The following ZNF277 variants were observed in gnomAD, a reference collection of about 807,000 sequenced individuals.
ZNF277 encodes zinc finger protein 277.
In ZNF277, 55 loss-of-function variants were observed where a neutral mutation model predicts 60.7. That is an observed-to-expected ratio of 0.91 (90% CI 0.73 to 1.13). The LOEUF (loss-of-function observed/expected upper bound fraction) is 1.13. Ranked by LOEUF, ZNF277 falls within the 50% of genes most tolerant of loss-of-function variation. ZNF277 has a pLI of 0.00. For synonymous variants in ZNF277, 178 were observed against 179.3 expected (o/e 0.99, Z 0.06); for missense variants, 510 against 523.0 (o/e 0.98, Z 0.24).
At chr7:112,315,028 G>GGA (rs1441021320) in intron 4 of ZNF277, among the ~76,000 whole-genome samples, 3 of 152,082 alleles carry the variant, frequency 2.0e-5, no homozygotes, top group African/African-American at 7.2e-5. Flanking sequence ...CTCTGGGCAT[G>GGA]CATCAGATAA....
intron 1 of ZNF277, among the ~76,000 whole-genome samples, chr7:112,208,234 G>A (rs928546681): frequency 3.9e-4 from 59 of 152,054 alleles, no homozygotes; most frequent in African/African-American, 1.3e-3. Flanking sequence ...AATTAGCCGG[G>A]CGTGGTGGCG....
At chr7:112,214,891 A>G (rs1417515453) in intron 1 of ZNF277, among the ~76,000 whole-genome samples, 3 of 152,158 alleles carry the variant, frequency 2.0e-5, no homozygotes, top group Non-Finnish European at 4.4e-5. Context: ...CTGAATCTGA[A>G]TTTGTAGCTT....
chr7:112,288,987 A>G (rs981336114), intron 2 of ZNF277: 4 of 143,810 alleles, frequency 2.8e-5, no homozygotes, highest in Non-Finnish European at 6.0e-5. Context: ...AAAGAAGAGT[A>G]TGTGTAGCAT....
intron 5 of ZNF277, among the ~76,000 whole-genome samples, chr7:112,318,732 G>A (rs1172251962): frequency 1.3e-5 from 2 of 151,910 alleles, no homozygotes; most frequent in Non-Finnish European, 2.9e-5. Context: ...TAATCACCTG[G>A]GATTAGCATA....
chr7:112,292,363 C>T (rs890221119), intron 2 of ZNF277, among the ~76,000 whole-genome samples: 3 of 152,128 alleles, frequency 2.0e-5, no homozygotes, highest in Non-Finnish European at 2.9e-5. Flanking sequence ...CAATTTTCAG[C>T]CCTTAGGTAG....
chr7:112,301,849 A>G (rs1792478068), intron 4 of ZNF277, among the ~76,000 whole-genome samples: 1 of 152,150 alleles, frequency 6.6e-6, no homozygotes, highest in Non-Finnish European at 1.5e-5. Context: ...GCTCTTACGT[A>G]TGAACTGAAA....
At chr7:112,298,687 A>G (rs1240278735) in intron 4 of ZNF277, among the ~76,000 whole-genome samples, 1 of 152,228 alleles carries the variant, frequency 6.6e-6, no homozygotes, top group Non-Finnish European at 1.5e-5. Context: ...GAAGTAAGCT[A>G]ACAATGACTG....
chr7:112,333,120 T>C (rs1466507286), intron 7 of ZNF277, among the ~76,000 whole-genome samples: 1 of 151,380 alleles, frequency 6.6e-6, no homozygotes, highest in Non-Finnish European at 1.5e-5. Context: ...AATTCTAAAA[T>C]TTTAAACAAT....
intron 1 of ZNF277, among the ~76,000 whole-genome samples, chr7:112,262,791 A>G (rs901297550): frequency 6.6e-6 from 1 of 152,136 alleles, no homozygotes; most frequent in Admixed American, 6.6e-5. Flanking sequence ...TTTGGTTATA[A>G]AAGTTGATAT....
intron 6 of ZNF277, chr7:112,328,061 A>G (rs936851874): frequency 5.6e-6 from 2 of 354,990 alleles, no homozygotes; most frequent in Admixed American, 4.8e-5. Context: ...ATATCATACA[A>G]TGTATGCCGT....
chr7:112,328,345 A>T (rs537982305), intron 6 of ZNF277: 1 of 152,388 alleles, frequency 6.6e-6, no homozygotes, highest in East Asian at 1.9e-4. Context: ...ACATTTGTAT[A>T]TAATACTCCA....
At chr7:112,317,209 T>C (rs977988859) in intron 4 of ZNF277, among the ~76,000 whole-genome samples, 1 of 152,046 alleles carries the variant, frequency 6.6e-6, no homozygotes, top group Non-Finnish European at 1.5e-5. Context: ...AGATGATGGG[T>C]TGATGGGTAC....
At chr7:112,338,621 T>C (rs1245473965) in intron 9 of ZNF277, among the ~76,000 whole-genome samples, 2 of 152,148 alleles carry the variant, frequency 1.3e-5, no homozygotes, top group African/African-American at 4.8e-5. Context: ...GAAATACTGT[T>C]CTTAGTTTAG....
intron 1 of ZNF277, among the ~76,000 whole-genome samples, chr7:112,228,570 T>G (rs1822238077): frequency 6.8e-6 from 1 of 146,388 alleles, no homozygotes; most frequent in Non-Finnish European, 1.5e-5. Context: ...AATATTAAAC[T>G]CCTCCTAGAA....
chr7:112,308,285 C>T lies in ZNF277; in HGVS notation c.466-9897C>T, dbSNP rs1000610480. 2.0e-5 allele frequency among the ~76,000 whole-genome samples: 3 copies of T among 151,856 alleles called. No individual in the cohort carries two copies. In the South Asian group the frequency reaches 6.2e-4, roughly 32 times the overall value. The stretch of plus-strand genomic sequence containing the variant: ...AATCCCAGCACTTTGGGAGGCGAGG[C>T]GGGCAGATCACTTGAGGCCAGGAGT... On this transcript the variant is annotated intron_variant, in intron 4 of 11. Transcript: ENST00000361822.
intron 1 of ZNF277, 132 bp from the exon 2 acceptor site, chr7:112,286,741 A>C (rs553111831): frequency 1.3e-6 from 1 of 741,298 alleles, no homozygotes; most frequent in Non-Finnish European, 2.1e-6. Context: ...AGCACTATGT[A>C]TTTTTCTTTT....
At chr7:112,253,212 G>C (rs991312393) in intron 1 of ZNF277, among the ~76,000 whole-genome samples, 17 of 152,110 alleles carry the variant, frequency 1.1e-4, no homozygotes, top group African/African-American at 3.4e-4. Context: ...TTGGTCCTCT[G>C]TTGTCTAAAT....
At chr7:112,249,803 C>G (rs949215894) in intron 1 of ZNF277, among the ~76,000 whole-genome samples, 2 of 152,160 alleles carry the variant, frequency 1.3e-5, no homozygotes, top group African/African-American at 4.8e-5. Context: ...AGTCAATACC[C>G]TTGTGATTTC....
chr7:112,269,489 G>A (rs1397721775), intron 1 of ZNF277, among the ~76,000 whole-genome samples: 1 of 152,192 alleles, frequency 6.6e-6, no homozygotes, highest in Non-Finnish European at 1.5e-5. Context: ...AAAAACACTG[G>A]AACTGTATCA....
Sources: gnomAD v4.1 joint callset for allele counts (sites outside exome capture counted in the v4.1 genomes callset) on GRCh38, gnomAD v4.1.1 for gene constraint, MANE v1.5 for transcripts, NCBI Gene and HGNC (gene_info 2026-07-23, HGNC 2026-07-21) for gene names.